PCDHA8: variants seen among roughly 807,000 people sequenced by gnomAD.
PCDHA8 encodes the protein protocadherin alpha-8.
A neutral mutation model predicts 61.8 loss-of-function variants in PCDHA8; 53 were observed. The observed-to-expected ratio is 0.86, with a 90% CI of 0.69 to 1.08. The LOEUF (loss-of-function observed/expected upper bound fraction) is 1.08, where lower values mean the gene tolerates loss of function less well. Ranked by LOEUF, PCDHA8 falls within the 50% of genes least tolerant of loss-of-function variation. PCDHA8 has a pLI of 0.00. For missense variants in PCDHA8, 1,293 were observed against 1,245.0 expected (o/e 1.04, Z -0.58); for synonymous variants, 618 against 556.6 (o/e 1.11, Z -1.55).
At chr5:140,871,465 CAG>C in intron 1 of PCDHA8, 1 of 1,602,850 alleles carries the variant, frequency 6.2e-7, no homozygotes, top group Non-Finnish European at 8.5e-7. Flanking sequence ...AGGGGAAAGA[CAG>C]GAGCCAGGGT....
At chr5:140,883,133 G>C in intron 1 of PCDHA8, 1 of 1,614,112 alleles carries the variant, frequency 6.2e-7, no homozygotes, top group Non-Finnish European at 8.5e-7. Flanking sequence ...ATGGCCTGCA[G>C]TGGTATATGC....
intron 1 of PCDHA8, chr5:140,843,947 C>G: frequency 1.8e-6 from 1 of 565,064 alleles, no homozygotes; most frequent in Non-Finnish European, 3.1e-6. Context: ...GGATGATATC[C>G]ATTTTTTACT....
chr5:140,873,931 G>A (rs2054580396), intron 1 of PCDHA8, among the ~76,000 whole-genome samples: 1 of 152,172 alleles, frequency 6.6e-6, no homozygotes, highest in African/African-American at 2.4e-5. Flanking sequence ...AAAGTGCTGG[G>A]ATTACAGGTG....
At chr5:140,987,997 T>C (rs2097277277) in intron 3 of PCDHA8, among the ~76,000 whole-genome samples, 1 of 152,212 alleles carries the variant, frequency 6.6e-6, no homozygotes, top group African/African-American at 2.4e-5. Flanking sequence ...TCTCTGATCC[T>C]TCCCCAGAAA....
intron 1 of PCDHA8, among the ~76,000 whole-genome samples, chr5:140,939,048 A>T (rs931079281): frequency 1.3e-5 from 2 of 152,180 alleles, no homozygotes; most frequent in Admixed American, 6.5e-5. Flanking sequence ...GTCTTAGTCC[A>T]TTTGGGCTGC....
chr5:140,967,234 G>A (rs781912172), intron 1 of PCDHA8: 3 of 1,613,746 alleles, frequency 1.9e-6, no homozygotes, highest in South Asian at 1.1e-5. Context: ...ACCAGCTTCA[G>A]GTAAGCGAAT....
chr5:140,885,941 T>G (rs2060783691), intron 1 of PCDHA8, among the ~76,000 whole-genome samples: 1 of 152,196 alleles, frequency 6.6e-6, no homozygotes, highest in Non-Finnish European at 1.5e-5. Flanking sequence ...TTTTTTGACA[T>G]TTTTAATTAA....
At chr5:140,911,614 G>C (rs1298073663) in intron 1 of PCDHA8, among the ~76,000 whole-genome samples, 1 of 152,152 alleles carries the variant, frequency 6.6e-6, no homozygotes, top group Non-Finnish European at 1.5e-5. Flanking sequence ...ATGTTCCTTA[G>C]TTCCCCACAT....
At chr5:140,967,730 G>A (rs2096176474) in intron 1 of PCDHA8, 1 of 1,614,146 alleles carries the variant, frequency 6.2e-7, no homozygotes, top group Non-Finnish European at 8.5e-7. Context: ...AGTAATTGGG[G>A]GGCTGGATTA....
chr5:140,882,265 T>C, intron 1 of PCDHA8: 1 of 1,609,948 alleles, frequency 6.2e-7, no homozygotes, highest in Non-Finnish European at 8.5e-7. Flanking sequence ...TTTTGGAGTG[T>C]ACCATGCTGT....
chr5:140,882,608 C>T (rs748674238), intron 1 of PCDHA8: 20 of 1,614,132 alleles, frequency 1.2e-5, no homozygotes, highest in Non-Finnish European at 1.7e-5. Flanking sequence ...GGACAGGCCT[C>T]TGCAGGTTTT....
At position 140,867,338 on chromosome 5, in the gene PCDHA8, A is replaced by C. The variant is rs535853406; in HGVS notation, c.2394+23623A>C. The stretch of plus-strand genomic sequence containing the variant: ...TGGTCTAATGTTATGTTTTGATTAG[A>C]GGCTACTATGATTGATTATTTTACA... On this transcript the variant is annotated intron_variant, in intron 1 of 3. Transcript: ENST00000531613. 3.3e-5 allele frequency: 5 copies of C among 152,270 alleles called. No individual in the cohort carries two copies. In the East Asian group the frequency reaches 5.8e-4, roughly 18 times the overall value. The allele number at this position is 152,270 out of a possible 1,614,324, so 9.4% of individuals were successfully genotyped here.
chr5:140,928,635 A>G lies in PCDHA8; in HGVS notation c.2395-50314A>G, dbSNP rs148091714. On this transcript the variant is annotated intron_variant, in intron 1 of 3. Transcript: ENST00000531613. ...CTGCCAGGACTGGACACTTGGTCAC[A>G]AAAGTGGTAGCAGAGGATGCTGACA... is the stretch of plus-strand genomic sequence containing the variant. 6 of 1,614,104 alleles carry G rather than the reference A, an allele frequency of 3.7e-6. No individual in the cohort carries two copies. The Middle Eastern group carries it at 4.9e-4, about 133-fold the overall frequency.
chr5:140,854,596 A>G (rs1426256620), intron 1 of PCDHA8: 1 of 150,040 alleles, frequency 6.7e-6, no homozygotes, highest in Non-Finnish European at 1.5e-5. Flanking sequence ...AAAAGTTTAA[A>G]GTAATTGACA....
At chr5:140,967,547 A>T in intron 1 of PCDHA8, 1 of 1,613,890 alleles carries the variant, frequency 6.2e-7, no homozygotes, top group Non-Finnish European at 8.5e-7. Flanking sequence ...TGACCAGTCC[A>T]CTTATCGCGT....
intron 1 of PCDHA8, chr5:140,858,692 C>A: frequency 1.7e-6 from 1 of 580,634 alleles, no homozygotes; most frequent in Non-Finnish European, 2.9e-6. Flanking sequence ...TAATATTTTC[C>A]AATACAAATA....
chr5:140,976,354 C>A (rs1331334402), intron 1 of PCDHA8, among the ~76,000 whole-genome samples: 2 of 151,960 alleles, frequency 1.3e-5, no homozygotes, highest in Non-Finnish European at 2.9e-5. Context: ...TGTTCAAGAC[C>A]AGCCTGGCCA....
chr5:140,960,299 A>C (rs246005), intron 1 of PCDHA8, among the ~76,000 whole-genome samples: 85,531 of 151,846 alleles, frequency 0.56, 24,685 homozygotes, highest in African/African-American at 0.69. Flanking sequence ...TTTCTTCATC[A>C]ATACCAACCT....
intron 1 of PCDHA8, chr5:140,884,314 G>T: frequency 6.2e-7 from 1 of 1,613,760 alleles, no homozygotes. Context: ...CGTCGAGGGC[G>T]TCGGCAGGCG....
Sources: gnomAD v4.1 joint callset for allele counts (sites outside exome capture counted in the v4.1 genomes callset) on GRCh38, gnomAD v4.1.1 for gene constraint, MANE v1.5 for transcripts, NCBI Gene and HGNC (gene_info 2026-07-23, HGNC 2026-07-21) for gene names.